The following STXBP4 variants were observed in gnomAD, a reference collection of about 807,000 sequenced individuals.
STXBP4 encodes syntaxin-binding protein 4.
A neutral mutation model predicts 76.1 loss-of-function variants in STXBP4; 55 were observed. The ratio of observed to expected loss-of-function variants is 0.72; its 90% CI spans 0.58 to 0.91. STXBP4 has a LOEUF of 0.91. STXBP4 is among the 40% of genes least tolerant of loss of function. The probability of loss-of-function intolerance (pLI) is 0.00; values close to 1 mark genes in which losing one functional copy is unlikely to be tolerated. For synonymous variants in STXBP4, 201 were observed against 220.2 expected (o/e 0.91, Z 0.77); for missense variants, 618 against 636.9 (o/e 0.97, Z 0.32).
chr17:55,042,369 C>A (rs981945222), intron 10 of STXBP4, among the ~76,000 whole-genome samples: 1 of 152,088 alleles, frequency 6.6e-6, no homozygotes, highest in Non-Finnish European at 1.5e-5. Context: ...AGCAATGCAT[C>A]TGCACATATA....
At chr17:55,152,630 G>A (rs2080228802) in intron 17 of STXBP4, among the ~76,000 whole-genome samples, 1 of 152,108 alleles carries the variant, frequency 6.6e-6, no homozygotes, top group Non-Finnish European at 1.5e-5. Flanking sequence ...GGAAATGCCA[G>A]ACGCTTATTA....
At chr17:55,174,482 T>G (rs1235396148), downstream of STXBP4, among the ~76,000 whole-genome samples, 1 of 152,250 alleles carries the variant, frequency 6.6e-6, no homozygotes, top group Non-Finnish European at 1.5e-5. Flanking sequence ...TGTCATCTGT[T>G]TATCCTCTTT....
intron 16 of STXBP4, among the ~76,000 whole-genome samples, chr17:55,108,764 T>A (rs192778665): frequency 1.3e-5 from 2 of 152,292 alleles, no homozygotes; most frequent in South Asian, 2.1e-4. Context: ...CCCAATGAGA[T>A]AAGCTGGGTA....
In STXBP4 at chr17:55,160,809, C is replaced by A. The variant is rs538533134; in HGVS notation, c.*898C>A. ...ATAAACCCTTCCCCCTTCTCTGCACCCAAGCCTTCGCCAAGTAGGCGCACT... is the reference window on the plus strand; with the variant it reads ...ATAAACCCTTCCCCCTTCTCTGCACACAAGCCTTCGCCAAGTAGGCGCACT... On this transcript the variant is annotated 3_prime_UTR_variant, in exon 18 of 18. Coordinates refer to ENST00000376352, the MANE Select transcript of STXBP4 (RefSeq NM_178509.6). 1 of 152,414 alleles carries A rather than the reference C, an allele frequency of 6.6e-6. No homozygotes were observed. Among genetic ancestry groups the A allele is most frequent in the South Asian group, 2.1e-4 (1 of 4,822 alleles). 9.4% of individuals were successfully genotyped at this position (152,414 alleles called of 1,614,324 possible). A position where few individuals can be genotyped will look rare whatever the true frequency, so the allele number is the denominator to read the frequency against.
chr17:55,204,352 C>A, the STXBP4 span, among the ~76,000 whole-genome samples: 1 of 151,900 alleles, frequency 6.6e-6, no homozygotes, highest in African/African-American at 2.4e-5. Flanking sequence ...ATTAATTATA[C>A]TCAGTTTAAA....
At chr17:55,098,625 T>C (rs1348207177) in intron 16 of STXBP4, among the ~76,000 whole-genome samples, 1 of 152,128 alleles carries the variant, frequency 6.6e-6, no homozygotes, top group Non-Finnish European at 1.5e-5. Flanking sequence ...CCTGATGTGT[T>C]TGAGAAAAGC....
intron 12 of STXBP4, among the ~76,000 whole-genome samples, chr17:55,056,376 G>A (rs1449525347): frequency 6.6e-6 from 1 of 152,046 alleles, no homozygotes; most frequent in Non-Finnish European, 1.5e-5. Flanking sequence ...TCTGTGCTTA[G>A]ATTTAATAAA....
chr17:55,104,913 G>T (rs930331338), intron 16 of STXBP4, among the ~76,000 whole-genome samples: 1 of 152,094 alleles, frequency 6.6e-6, no homozygotes, highest in Non-Finnish European at 1.5e-5. Context: ...GTTTATATGC[G>T]TAGAGGTGTT....
intron 4 of STXBP4, chr17:54,991,752 TTTGA>T (rs888277998): frequency 6.2e-4 from 94 of 150,560 alleles, no homozygotes; most frequent in Admixed American, 9.2e-4. Flanking sequence ...ATATTCTCCA[TTTGA>T]TTGACTCCAT....
intron 8 of STXBP4, among the ~76,000 whole-genome samples, chr17:55,010,180 C>G (rs1431027539): frequency 6.6e-6 from 1 of 151,480 alleles, no homozygotes; most frequent in Non-Finnish European, 1.5e-5. Flanking sequence ...ATTAGCCTAC[C>G]CAGTACAATT....
At position 55,159,980 on chromosome 17, in the gene STXBP4, T is replaced by A; in HGVS notation, c.*69T>A. ...AGACGCATAACATCCAATTCTGAGA[T>A]GAAACAGTCTAAAATAGGAGTAAAG... On this transcript the variant is annotated 3_prime_UTR_variant, in exon 18 of 18. Coordinates refer to ENST00000376352, the MANE Select transcript of STXBP4 (RefSeq NM_178509.6). 1 of 961,036 alleles carries A rather than the reference T, an allele frequency of 1.0e-6. No homozygotes were observed. The highest frequency in any genetic ancestry group is 1.7e-6 in the Non-Finnish European group (1 of 605,212). 59.5% of individuals were successfully genotyped at this position (961,036 alleles called of 1,614,324 possible). A position where few individuals can be genotyped will look rare whatever the true frequency, so the allele number is the denominator to read the frequency against.
At chr17:55,151,543 C>G (rs1370402050) in intron 17 of STXBP4, among the ~76,000 whole-genome samples, 1 of 152,176 alleles carries the variant, frequency 6.6e-6, no homozygotes, top group Non-Finnish European at 1.5e-5. Context: ...TGGTATTAAG[C>G]AGGTACCTCT....
At chr17:55,176,362 G>C (rs1236429979), downstream of STXBP4, among the ~76,000 whole-genome samples, 4 of 152,178 alleles carry the variant, frequency 2.6e-5, no homozygotes, top group Non-Finnish European at 5.9e-5. Flanking sequence ...GTGGAGAAGA[G>C]GAAAGGTGAG....
intron 7 of STXBP4, among the ~76,000 whole-genome samples, chr17:55,007,249 G>A (rs1362095647): frequency 6.6e-6 from 1 of 151,444 alleles, no homozygotes; most frequent in Non-Finnish European, 1.5e-5. Flanking sequence ...TGAGGCAGGA[G>A]AATCACTTGA....
chr17:55,113,645 T>G (rs1302706670), intron 16 of STXBP4, among the ~76,000 whole-genome samples: 1 of 152,108 alleles, frequency 6.6e-6, no homozygotes, highest in African/African-American at 2.4e-5. Context: ...AAAAAAAAAG[T>G]GTTAAACTTT....
intron 9 of STXBP4, among the ~76,000 whole-genome samples, chr17:55,031,579 T>C (rs931573018): frequency 3.3e-5 from 5 of 152,178 alleles, no homozygotes; most frequent in African/African-American, 4.8e-5. Context: ...ATATGGAAGT[T>C]CTAATTTCAC....
At chr17:55,034,672 A>C (rs1045318456) in intron 10 of STXBP4, among the ~76,000 whole-genome samples, 1 of 152,120 alleles carries the variant, frequency 6.6e-6, no homozygotes, top group East Asian at 1.9e-4. Context: ...TTTAATTAGC[A>C]TCCAGATCAA....
chr17:55,195,315 C>G, the STXBP4 span, among the ~76,000 whole-genome samples: 4 of 152,230 alleles, frequency 2.6e-5, no homozygotes, highest in African/African-American at 9.6e-5. Flanking sequence ...TCAAAACCCT[C>G]TACCTCCATG....
At chr17:55,149,925 CT>C (rs1487434300) in intron 17 of STXBP4, among the ~76,000 whole-genome samples, 1 of 152,216 alleles carries the variant, frequency 6.6e-6, no homozygotes, top group African/African-American at 2.4e-5. Context: ...ATCAAAGCCC[CT>C]TTTCCCCCTC....
Sources: gnomAD v4.1 joint callset for allele counts (sites outside exome capture counted in the v4.1 genomes callset) on GRCh38, gnomAD v4.1.1 for gene constraint, MANE v1.5 for transcripts, NCBI Gene and HGNC (gene_info 2026-07-23, HGNC 2026-07-21) for gene names.